Variants in PDE1C observed in about 807,000 individuals in gnomAD.
The protein encoded by PDE1C is dual specificity calcium/calmodulin-dependent 3',5'-cyclic nucleotide phosphodiesterase 1C.
PDE1C carries 62 observed loss-of-function variants against 93.1 expected under a neutral mutation model. The ratio of observed to expected loss-of-function variants is 0.67; its 90% confidence interval spans 0.54 to 0.82. The LOEUF is 0.82. PDE1C is among the 40% of genes least tolerant of loss of function. PDE1C has a pLI of 0.00. For synonymous variants in PDE1C, 325 were observed against 310.1 expected (o/e 1.05, Z -0.50); for missense variants, 742 against 884.6 (o/e 0.84, Z 2.04).
the PDE1C span, among the ~76,000 whole-genome samples, chr7:31,736,687 T>C: frequency 3.0e-4 from 46 of 152,286 alleles, no homozygotes; most frequent in African/African-American, 9.6e-4. Context: ...TCATGCAAGG[T>C]TGAGGTTTAT....
the PDE1C span, among the ~76,000 whole-genome samples, chr7:31,713,319 C>T: frequency 2.0e-5 from 3 of 152,238 alleles, no homozygotes; most frequent in South Asian, 6.2e-4. Context: ...AAAATAATCT[C>T]CTTTGACTCC....
intron 9 of PDE1C, among the ~76,000 whole-genome samples, chr7:31,838,944 T>C (rs995003008): frequency 6.6e-6 from 1 of 150,532 alleles, no homozygotes; most frequent in Non-Finnish European, 1.5e-5. Context: ...TCTAGTTTTA[T>C]ACATGTGTAC....
the PDE1C span, among the ~76,000 whole-genome samples, chr7:31,684,776 C>G: frequency 6.6e-6 from 1 of 152,188 alleles, no homozygotes; most frequent in Non-Finnish European, 1.5e-5. Context: ...ACACCAAATT[C>G]TGGTGAAGAT....
intron 2 of PDE1C, among the ~76,000 whole-genome samples, chr7:32,204,716 C>G (rs1291724754): frequency 6.6e-6 from 1 of 152,106 alleles, no homozygotes; most frequent in Non-Finnish European, 1.5e-5. Context: ...CCTTTTTTAC[C>G]TATTATCCCC....
At chr7:32,226,667 AGAGTGT>A (rs1346993164) in intron 1 of PDE1C, among the ~76,000 whole-genome samples, 1 of 152,182 alleles carries the variant, frequency 6.6e-6, no homozygotes, top group Non-Finnish European at 1.5e-5. Context: ...GCCCTGAGGC[AGAGTGT>A]GATGGTTGGA....
Position 31,933,127 on chromosome 7 carries a change from A to G in PDE1C, c.129-52267T>C, listed in dbSNP as rs193185219. On this transcript the variant is annotated intron_variant, in intron 2 of 17. Coordinates refer to ENST00000396191, the MANE Select transcript of PDE1C (RefSeq NM_001191057.4). Reference sequence around the variant, plus strand: ...AATACCTAATGCATACAGGGCTTAAAACCTAGATGATGGGTTGATGGGTGC... The same window carrying G: ...AATACCTAATGCATACAGGGCTTAAGACCTAGATGATGGGTTGATGGGTGC... 2.0e-5 allele frequency among the ~76,000 whole-genome samples: 3 copies of G among 152,216 alleles called. No individual in the cohort carries two copies. The East Asian group carries it at 5.8e-4, about 29-fold the overall frequency.
chr7:31,895,298 G>C (rs1799140384), intron 2 of PDE1C, among the ~76,000 whole-genome samples: 1 of 152,116 alleles, frequency 6.6e-6, no homozygotes. Context: ...GCCAGGAGGA[G>C]CTGAACAGGG....
intron 1 of PDE1C, among the ~76,000 whole-genome samples, chr7:32,427,699 A>G (rs1206581346): frequency 2.0e-5 from 3 of 152,244 alleles, no homozygotes; most frequent in African/African-American, 7.2e-5. Context: ...AACTTGTAAA[A>G]GAAGTTATGG....
intron 1 of PDE1C, among the ~76,000 whole-genome samples, chr7:32,264,578 C>T (rs1810437839): frequency 6.6e-6 from 1 of 152,336 alleles, no homozygotes; most frequent in African/African-American, 2.4e-5. Context: ...TGAGTGTCCA[C>T]TGGGATGGGA....
chr7:32,257,468 T>G (rs769943063), intron 1 of PDE1C, among the ~76,000 whole-genome samples: 22 of 152,244 alleles, frequency 1.4e-4, no homozygotes, highest in African/African-American at 4.8e-5. Flanking sequence ...TGTGGCTTAT[T>G]TGTGCCTCAG....
intron 3 of PDE1C, among the ~76,000 whole-genome samples, chr7:32,160,114 G>A (rs569389737): frequency 1.5e-4 from 23 of 152,204 alleles, no homozygotes; most frequent in African/African-American, 4.1e-4. Flanking sequence ...AAATAAAGGC[G>A]GGAAGGGGAG....
At chr7:31,689,736 G>A in the PDE1C span, among the ~76,000 whole-genome samples, 22 of 152,184 alleles carry the variant, frequency 1.4e-4, no homozygotes, top group African/African-American at 1.9e-4. Context: ...CCACTTGCTT[G>A]TTCTTTTCTT....
At chr7:32,025,964 G>T (rs532168513) in intron 2 of PDE1C, among the ~76,000 whole-genome samples, 3 of 152,074 alleles carry the variant, frequency 2.0e-5, no homozygotes, top group South Asian at 2.1e-4. Context: ...TGCTAATGAG[G>T]CCCCTCTACC....
intron 1 of PDE1C, among the ~76,000 whole-genome samples, chr7:32,370,227 AT>A (rs1489963783): frequency 4.6e-5 from 7 of 152,154 alleles, no homozygotes; most frequent in Admixed American, 4.6e-4. Flanking sequence ...AGGAGGGCGG[AT>A]CACGAGGTCA....
At chr7:32,331,809 G>A (rs939885844) in intron 1 of PDE1C, among the ~76,000 whole-genome samples, 1 of 152,184 alleles carries the variant, frequency 6.6e-6, no homozygotes. Flanking sequence ...AAAAATCTGA[G>A]TTTATAGTAT....
At chr7:31,696,253 T>C in the PDE1C span, among the ~76,000 whole-genome samples, 1 of 152,220 alleles carries the variant, frequency 6.6e-6, no homozygotes, top group East Asian at 1.9e-4. Flanking sequence ...TAATTTACTG[T>C]CATCTCTGTT....
At chr7:32,321,886 T>G (rs1783298527) in intron 1 of PDE1C, among the ~76,000 whole-genome samples, 1 of 152,200 alleles carries the variant, frequency 6.6e-6, no homozygotes, top group African/African-American at 2.4e-5. Flanking sequence ...AAAGATCACT[T>G]CTTCTCTACC....
rs1428367890 is a variant in PDE1C, at chr7:31,865,009, T to C, written c.683A>G (p.His228Arg). The C allele has an allele frequency of 1.2e-6, 2 of 1,614,064 alleles. No individual in the cohort carries two copies. The highest frequency in any genetic ancestry group is 1.7e-6 in the Non-Finnish European group (2 of 1,179,954). Residue 228 changes from histidine (H) to arginine (R), a missense_variant, in exon 7 of 18, where the codon CAT (histidine) becomes CGT (arginine). This residue lies in a region of PDE1C where 205 missense variants were observed against 295.3 expected (regional missense o/e 0.69). Transcript: ENST00000396191. ...AACATCGGCAGCGTGCATTAAGTTA[T>C]GGTAAGGATTTTTGTGCTTGCTGTA... ...VGYSKHKNPY[H>R]NLMHAADVTQ...
At chr7:32,349,065 A>C (rs561138276) in intron 1 of PDE1C, among the ~76,000 whole-genome samples, 1 of 152,344 alleles carries the variant, frequency 6.6e-6, no homozygotes, top group South Asian at 2.1e-4. Flanking sequence ...CATCCCTTCA[A>C]AGCGGATTAA....
Sources: gnomAD v4.1 joint callset for allele counts (sites outside exome capture counted in the v4.1 genomes callset) on GRCh38, gnomAD v4.1.1 for gene constraint, gnomAD v4.1.1 regional missense constraint, MANE v1.5 for transcripts, NCBI Gene and HGNC (gene_info 2026-07-23, HGNC 2026-07-21) for gene names.